Variants in FRK observed in about 807,000 individuals in gnomAD.
The protein encoded by FRK is tyrosine-protein kinase FRK.
In FRK, 51 loss-of-function variants were observed where a neutral mutation model predicts 56.4. The observed-to-expected ratio is 0.90, with a 90% CI of 0.72 to 1.14. The LOEUF is 1.14. FRK is among the 50% of genes most tolerant of loss of function. The pLI is 0.00. For missense variants in FRK, 570 were observed against 601.4 expected, an observed-to-expected ratio of 0.95 and a Z score of 0.55; for synonymous variants, 245 against 217.9, an observed-to-expected ratio of 1.12 and a Z score of -1.10.
intron 2 of FRK, among the ~76,000 whole-genome samples, chr6:115,970,299 A>G (rs2114608587): frequency 1.3e-5 from 2 of 152,350 alleles, no homozygotes; most frequent in East Asian, 3.9e-4. Flanking sequence ...GAACACAGTC[A>G]TACATGTCAT....
intron 2 of FRK, among the ~76,000 whole-genome samples, chr6:115,969,220 G>A (rs865883112): frequency 2.6e-5 from 4 of 152,212 alleles, no homozygotes; most frequent in Admixed American, 6.5e-5. Flanking sequence ...GCTCAATACC[G>A]TCTTACAATA....
chr6:116,015,861 G>A (rs1222881706), intron 1 of FRK, among the ~76,000 whole-genome samples: 2 of 152,176 alleles, frequency 1.3e-5, no homozygotes, highest in African/African-American at 2.4e-5. Context: ...CATCCAAGAT[G>A]TGACCTGGCT....
At position 115,953,180 on chromosome 6, in the gene FRK, ATTTT is replaced by A. The variant is rs1554224845; in HGVS notation, c.958+3268_958+3271del. On this transcript the variant is annotated intron_variant, in intron 5 of 7. Transcript: ENST00000606080. ...AGAGTGGTACATCCATTTTAAGGCCATTTTTTTTTTTTTTTTTTTTTTTTTTTGA... is the reference window on the plus strand; with the variant it reads ...AGAGTGGTACATCCATTTTAAGGCCATTTTTTTTTTTTTTTTTTTTTTTGA... Among the ~76,000 whole-genome samples, 17 of 104,054 alleles carry A rather than the reference ATTTT, an allele frequency of 1.6e-4. 2 individuals are homozygous for A. Among genetic ancestry groups the A allele is most frequent in the Admixed American group, 9.8e-4 (8 of 8,176 alleles). 68.3% of individuals were successfully genotyped at this position (104,054 alleles called of 152,430 possible). A position where few individuals can be genotyped will look rare whatever the true frequency, so the allele number is the denominator to read the frequency against.
chr6:115,952,076 G>A (rs1772777448), intron 5 of FRK, among the ~76,000 whole-genome samples: 1 of 151,972 alleles, frequency 6.6e-6, no homozygotes, highest in South Asian at 2.1e-4. Context: ...ATAGATTCTG[G>A]ATATTAGCCC....
At chr6:115,977,219 A>G (rs910376604) in intron 2 of FRK, among the ~76,000 whole-genome samples, 2 of 152,196 alleles carry the variant, frequency 1.3e-5, no homozygotes, top group African/African-American at 2.4e-5. Flanking sequence ...TGCTAATGTT[A>G]CACTGAATTC....
At chr6:116,079,669 C>T in the FRK span, among the ~76,000 whole-genome samples, 1 of 152,156 alleles carries the variant, frequency 6.6e-6, no homozygotes, top group Non-Finnish European at 1.5e-5. Context: ...TGGCTCACTG[C>T]AGCCTTGACC....
intron 1 of FRK, among the ~76,000 whole-genome samples, chr6:116,042,020 C>T (rs994557381): frequency 6.6e-6 from 1 of 152,238 alleles, no homozygotes; most frequent in Non-Finnish European, 1.5e-5. Flanking sequence ...ACTGCCAGCA[C>T]AGCAGTCTGA....
chr6:116,082,652 CAT>C, the FRK span, among the ~76,000 whole-genome samples: 3 of 152,084 alleles, frequency 2.0e-5, no homozygotes, highest in African/African-American at 7.2e-5. Context: ...AACTGGAAAA[CAT>C]AGAGTTTCTA....
upstream of FRK, among the ~76,000 whole-genome samples, chr6:116,061,593 A>C (rs1438084094): frequency 6.6e-6 from 1 of 152,214 alleles, no homozygotes; most frequent in African/African-American, 2.4e-5. Context: ...TGAGACTGAC[A>C]TCAGGACAGC....
At chr6:116,097,541 A>G in the FRK span, among the ~76,000 whole-genome samples, 390 of 152,334 alleles carry the variant, frequency 2.6e-3, 1 homozygote, top group Non-Finnish European at 4.0e-3. Flanking sequence ...AAGATCAGTT[A>G]TTGAGATATT....
intron 5 of FRK, among the ~76,000 whole-genome samples, chr6:115,952,858 T>C (rs1487114463): frequency 3.7e-5 from 5 of 136,172 alleles, no homozygotes; most frequent in Non-Finnish European, 6.1e-5. Context: ...TACTCATAGG[T>C]GGGAATTGAA....
chr6:116,090,628 C>T, the FRK span, among the ~76,000 whole-genome samples: 5 of 152,134 alleles, frequency 3.3e-5, no homozygotes, highest in Non-Finnish European at 7.3e-5. Context: ...CTAAAATCAC[C>T]AGGGATGGTC....
At chr6:116,026,695 A>G (rs899357187) in intron 1 of FRK, among the ~76,000 whole-genome samples, 2 of 151,994 alleles carry the variant, frequency 1.3e-5, no homozygotes, top group Non-Finnish European at 2.9e-5. Flanking sequence ...ATTCTTTGGG[A>G]TCCAAGTTAG....
chr6:116,087,571 T>A, the FRK span, among the ~76,000 whole-genome samples: 1 of 152,260 alleles, frequency 6.6e-6, no homozygotes, highest in African/African-American at 2.4e-5. Context: ...TAATTTCCAC[T>A]GAGTTGTATT....
chr6:116,083,402 C>G, the FRK span, among the ~76,000 whole-genome samples: 1 of 152,024 alleles, frequency 6.6e-6, no homozygotes, highest in African/African-American at 2.4e-5. Context: ...AGAAAATTAA[C>G]AGCATGTTTG....
chr6:116,013,155 T>C (rs1770642925), intron 1 of FRK, among the ~76,000 whole-genome samples: 1 of 152,166 alleles, frequency 6.6e-6, no homozygotes, highest in African/African-American at 2.4e-5. Context: ...GTGAACTCAT[T>C]TGTGCTTTCT....
At chr6:116,081,234 C>G in the FRK span, among the ~76,000 whole-genome samples, 1 of 152,202 alleles carries the variant, frequency 6.6e-6, no homozygotes, top group Non-Finnish European at 1.5e-5. Context: ...AGTGGAGACA[C>G]AGCCAAACCA....
chr6:116,023,621 A>G (rs1775963168), intron 1 of FRK, among the ~76,000 whole-genome samples: 3 of 152,172 alleles, frequency 2.0e-5, no homozygotes, highest in Non-Finnish European at 4.4e-5. Context: ...AGGGAAAGGG[A>G]GAGTATCTGG....
At chr6:116,078,894 T>C in the FRK span, among the ~76,000 whole-genome samples, 1 of 152,188 alleles carries the variant, frequency 6.6e-6, no homozygotes, top group East Asian at 1.9e-4. Context: ...ACCGTTCTGT[T>C]GTCTCTGGCC....
Sources: gnomAD v4.1 joint callset for allele counts (sites outside exome capture counted in the v4.1 genomes callset) on GRCh38, gnomAD v4.1.1 for gene constraint, MANE v1.5 for transcripts, NCBI Gene and HGNC (gene_info 2026-07-23, HGNC 2026-07-21) for gene names.